KLRG1: variants seen among roughly 807,000 people sequenced by gnomAD.
The protein encoded by KLRG1 is killer cell lectin like receptor G1.
A neutral mutation model predicts 21.8 loss-of-function variants in KLRG1; 16 were observed. That is an observed-to-expected ratio of 0.73 (90% CI 0.50 to 1.11). The LOEUF (loss-of-function observed/expected upper bound fraction) is 1.11. Among genes scored for constraint, KLRG1 ranks in the 50% most tolerant of loss-of-function variants. KLRG1 has a pLI of 0.00. For synonymous variants in KLRG1, 69 were observed against 75.9 expected (o/e 0.91, Z 0.47); for missense variants, 173 against 218.3 (o/e 0.79, Z 1.31).
the KLRG1 span, chr12:9,111,488 A>G: frequency 7.2e-5 from 33 of 455,984 alleles, no homozygotes; most frequent in South Asian, 5.1e-4. Flanking sequence ...ACTAGCTTGC[A>G]GCAGTAGTTC....
the KLRG1 span, among the ~76,000 whole-genome samples, chr12:9,043,076 C>CTTTTTTTTT: frequency 7.6e-6 from 1 of 131,198 alleles, no homozygotes. Flanking sequence ...TGGCAGATAT[C>CTTTTTTTTT]TTTTTTTTTT....
chr12:9,174,675 G>T, the KLRG1 span, among the ~76,000 whole-genome samples: 1 of 152,016 alleles, frequency 6.6e-6, no homozygotes, highest in Non-Finnish European at 1.5e-5. Flanking sequence ...CAACAGGCAA[G>T]CAGAGATCCA....
chr12:9,144,564 A>C, the KLRG1 span, among the ~76,000 whole-genome samples: 28 of 152,230 alleles, frequency 1.8e-4, no homozygotes, highest in Admixed American at 1.6e-3. Context: ...GTGGCTCAAC[A>C]GTCAAAGACA....
chr12:9,077,007 G>C, the KLRG1 span: 1 of 1,411,008 alleles, frequency 7.1e-7, no homozygotes, highest in Non-Finnish European at 9.5e-7. Flanking sequence ...GCAAATACAC[G>C]GATCACAGCA....
At chr12:8,999,039 C>T (rs973066445) in intron 3 of KLRG1, among the ~76,000 whole-genome samples, 1 of 151,384 alleles carries the variant, frequency 6.6e-6, no homozygotes, top group Non-Finnish European at 1.5e-5. Context: ...TTCTTATTAT[C>T]TCTTTTTTTT....
the KLRG1 span, among the ~76,000 whole-genome samples, chr12:9,142,927 G>T: frequency 6.6e-6 from 1 of 152,170 alleles, no homozygotes; most frequent in Non-Finnish European, 1.5e-5. Context: ...AGTCATTTTA[G>T]GGTCTTTAAT....
At chr12:9,020,879 A>T in the KLRG1 span, among the ~76,000 whole-genome samples, 4 of 152,214 alleles carry the variant, frequency 2.6e-5, no homozygotes, top group Admixed American at 6.5e-5. Context: ...CAAATTCATC[A>T]TCGTGGCAAC....
At chr12:9,047,494 G>A in the KLRG1 span, among the ~76,000 whole-genome samples, 1 of 152,014 alleles carries the variant, frequency 6.6e-6, no homozygotes, top group Non-Finnish European at 1.5e-5. Flanking sequence ...AATCTGAGAA[G>A]GCAAAGAACA....
At chr12:8,966,044 A>G (rs1946466045) in intron 1 of KLRG1, among the ~76,000 whole-genome samples, 1 of 152,182 alleles carries the variant, frequency 6.6e-6, no homozygotes, top group Non-Finnish European at 1.5e-5. Flanking sequence ...CATATCTACA[A>G]CTATCTGATC....
the KLRG1 span, chr12:9,109,827 T>C: frequency 2.6e-6 from 4 of 1,549,498 alleles, no homozygotes; most frequent in African/African-American, 5.5e-5. Flanking sequence ...AGTTTAAATA[T>C]GAAGAAAAAT....
chr12:9,151,673 C>T, the KLRG1 span: 2 of 1,613,122 alleles, frequency 1.2e-6, no homozygotes, highest in Admixed American at 1.7e-5. Context: ...ATCTTTCAAG[C>T]TGGAGAGAAT....
the KLRG1 span, chr12:9,158,338 C>A: frequency 6.5e-7 from 1 of 1,537,436 alleles, no homozygotes; most frequent in South Asian, 1.2e-5. Context: ...TTTGCAATTT[C>A]CTTGTGCCTC....
At chr12:9,079,464 C>A in the KLRG1 span, 1 of 1,135,764 alleles carries the variant, frequency 8.8e-7, no homozygotes, top group South Asian at 1.5e-5. Flanking sequence ...AGTTTCTGAG[C>A]CTTAAATATT....
chr12:9,036,869 G>A, the KLRG1 span: 1 of 420,878 alleles, frequency 2.4e-6, no homozygotes, highest in Admixed American at 2.8e-5. Flanking sequence ...AGTCAAAGCT[G>A]ACAAGGAATA....
the KLRG1 span, among the ~76,000 whole-genome samples, chr12:9,213,696 T>C: frequency 6.6e-6 from 1 of 152,152 alleles, no homozygotes. Context: ...TTTTTATTGT[T>C]GAATTGTAAG....
the KLRG1 span, among the ~76,000 whole-genome samples, chr12:9,095,925 A>AC: frequency 6.8e-6 from 1 of 148,074 alleles, no homozygotes; most frequent in African/African-American, 2.5e-5. Context: ...GCGCCCGGCT[A>AC]ATTTTTTGTA....
the KLRG1 span, among the ~76,000 whole-genome samples, chr12:9,106,956 T>C: frequency 3.9e-5 from 6 of 152,200 alleles, no homozygotes; most frequent in Non-Finnish European, 7.3e-5. Context: ...AATGATCACA[T>C]CGCGGGATTT....
At chr12:9,198,347 T>TA in the KLRG1 span, among the ~76,000 whole-genome samples, 4 of 152,024 alleles carry the variant, frequency 2.6e-5, no homozygotes, top group Non-Finnish European at 5.9e-5. Flanking sequence ...CTCTGTCTAC[T>TA]AAAAAAATGT....
chr12:9,146,499 T>A, the KLRG1 span, among the ~76,000 whole-genome samples: 1 of 152,162 alleles, frequency 6.6e-6, no homozygotes, highest in East Asian at 1.9e-4. Context: ...TCCATTTCAT[T>A]AGTGTTAATT....
Sources: gnomAD v4.1 joint callset for allele counts (sites outside exome capture counted in the v4.1 genomes callset) on GRCh38, gnomAD v4.1.1 for gene constraint, MANE v1.5 for transcripts, NCBI Gene and HGNC (gene_info 2026-07-23, HGNC 2026-07-21) for gene names.